The following GPHN variants were observed in gnomAD, a reference collection of about 807,000 sequenced individuals.
GPHN encodes the protein gephyrin.
In GPHN, 17 loss-of-function variants were observed where a neutral mutation model predicts 95.5. The ratio of observed to expected loss-of-function variants is 0.18; its 90% CI spans 0.12 to 0.27. The LOEUF (loss-of-function observed/expected upper bound fraction) is 0.27. Among genes scored for constraint, GPHN ranks in the 10% least tolerant of loss-of-function variants. The pLI is 1.00. For missense variants in GPHN, 660 were observed against 978.1 expected, an observed-to-expected ratio of 0.67 and a Z score of 4.34; for synonymous variants, 320 against 322.5, an observed-to-expected ratio of 0.99 and a Z score of 0.08.
the GPHN span, among the ~76,000 whole-genome samples, chr14:67,370,916 C>A: frequency 2.0e-5 from 3 of 151,972 alleles, no homozygotes; most frequent in African/African-American, 7.3e-5. Flanking sequence ...TCAGTTCCAG[C>A]TACTAGAGAA....
chr14:66,693,011 G>T (rs1386974646), intron 2 of GPHN, among the ~76,000 whole-genome samples: 1 of 151,498 alleles, frequency 6.6e-6, no homozygotes, highest in Non-Finnish European at 1.5e-5. Context: ...CTATGTTAAA[G>T]AATAAAATTA....
intron 10 of GPHN, among the ~76,000 whole-genome samples, chr14:67,043,749 T>TA (rs201074722): frequency 0.043 from 6,533 of 152,220 alleles, 165 homozygotes; most frequent in Non-Finnish European, 0.054. Flanking sequence ...TAAAATGAGT[T>TA]GGGGGGATTC....
intron 12 of GPHN, among the ~76,000 whole-genome samples, chr14:67,096,761 A>G (rs1179414203): frequency 8.0e-6 from 1 of 124,490 alleles, no homozygotes; most frequent in Non-Finnish European, 1.6e-5. Context: ...CCAAGTAGCT[A>G]GACTACAGGC....
the GPHN span, among the ~76,000 whole-genome samples, chr14:67,534,966 A>C: frequency 6.6e-6 from 1 of 152,240 alleles, no homozygotes; most frequent in Non-Finnish European, 1.5e-5. Context: ...CTAGATGTCC[A>C]TCAATAAGGA....
chr14:66,736,142 C>T (rs2072244340), intron 2 of GPHN, among the ~76,000 whole-genome samples: 1 of 151,954 alleles, frequency 6.6e-6, no homozygotes, highest in South Asian at 2.1e-4. Flanking sequence ...TAAATAAACA[C>T]TGAAGGTTAC....
At chr14:67,695,815 C>T in the GPHN span, 2 of 999,592 alleles carry the variant, frequency 2.0e-6, no homozygotes, top group South Asian at 1.5e-5. Flanking sequence ...GGGAGCAGAC[C>T]TTCTGGGAAA....
At chr14:66,582,849 G>A (rs10147778) in intron 1 of GPHN, among the ~76,000 whole-genome samples, 38,324 of 151,934 alleles carry the variant, frequency 0.25, 9,753 homozygotes, top group African/African-American at 0.62. Flanking sequence ...AAACATACAT[G>A]TGCATGTGTC....
At chr14:66,604,416 G>A (rs537417354) in intron 1 of GPHN, among the ~76,000 whole-genome samples, 1 of 151,902 alleles carries the variant, frequency 6.6e-6, no homozygotes, top group Non-Finnish European at 1.5e-5. Context: ...GTACGCATTC[G>A]GGTATGAATA....
intron 8 of GPHN, among the ~76,000 whole-genome samples, chr14:66,927,876 C>G (rs2153564302): frequency 6.6e-6 from 1 of 152,274 alleles, no homozygotes; most frequent in South Asian, 2.1e-4. Context: ...CCTTCCATCC[C>G]TGGGATGAAT....
At chr14:67,731,175 A>G in the GPHN span, among the ~76,000 whole-genome samples, 5 of 150,478 alleles carry the variant, frequency 3.3e-5, no homozygotes, top group Admixed American at 1.3e-4. Context: ...TATGTGGCTC[A>G]CAATTGTGTT....
chr14:67,693,500 T>C, the GPHN span, among the ~76,000 whole-genome samples: 1 of 148,604 alleles, frequency 6.7e-6, no homozygotes, highest in Non-Finnish European at 1.5e-5. Flanking sequence ...CTTGTGACTC[T>C]GGGACAAAAT....
chr14:67,735,080 A>G, the GPHN span: 1 of 719,298 alleles, frequency 1.4e-6, no homozygotes, highest in Non-Finnish European at 2.6e-6. Flanking sequence ...GACACCAAAT[A>G]TCGGGAAGCT....
the GPHN span, among the ~76,000 whole-genome samples, chr14:67,225,775 T>G: frequency 6.6e-6 from 1 of 152,210 alleles, no homozygotes. Context: ...ATTCTAAGTT[T>G]GTTCGAAACA....
the GPHN span, chr14:67,199,718 G>T: frequency 2.0e-5 from 31 of 1,582,160 alleles, no homozygotes; most frequent in Non-Finnish European, 1.6e-5. Context: ...TTCACCCTCT[G>T]CCCCCAATCC....
chr14:67,321,291 C>G, the GPHN span: 2 of 1,604,274 alleles, frequency 1.2e-6, no homozygotes, highest in Non-Finnish European at 1.7e-6. Context: ...AGGGTTTGAA[C>G]TTAGAAGGAA....
chr14:67,208,493 A>G, the GPHN span: 2 of 1,579,724 alleles, frequency 1.3e-6, no homozygotes, highest in Non-Finnish European at 1.7e-6. Flanking sequence ...AAGACATGAA[A>G]TATTAATAAA....
chr14:66,881,631 A>G (rs1307088036), intron 5 of GPHN, among the ~76,000 whole-genome samples: 1 of 151,918 alleles, frequency 6.6e-6, no homozygotes, highest in Non-Finnish European at 1.5e-5. Flanking sequence ...TGCAACTGTT[A>G]AGATAATTCT....
chr14:67,023,753 G>T, intron 10 of GPHN, 78 bp downstream of exon 10: 2 of 1,205,592 alleles, frequency 1.7e-6, no homozygotes, highest in Non-Finnish European at 2.5e-6. Context: ...TGAAAAAAAA[G>T]AAGAAAAGCA....
chr14:66,852,929 A>G (rs986727336), intron 4 of GPHN, among the ~76,000 whole-genome samples: 5 of 152,210 alleles, frequency 3.3e-5, no homozygotes, highest in East Asian at 3.8e-4. Context: ...TAACATCTAT[A>G]TTCATTAAAA....
Sources: gnomAD v4.1 joint callset for allele counts (sites outside exome capture counted in the v4.1 genomes callset) on GRCh38, gnomAD v4.1.1 for gene constraint, MANE v1.5 for transcripts, NCBI Gene and HGNC (gene_info 2026-07-23, HGNC 2026-07-21) for gene names.